NIM1K: variants seen among roughly 807,000 people sequenced by gnomAD.
NIM1K encodes the protein NIM1 serine/threonine protein kinase, also known as serine/threonine-protein kinase NIM1.
In NIM1K, 35 loss-of-function variants were observed where a neutral mutation model predicts 37.1. That is an observed-to-expected ratio of 0.94 (90% CI 0.72 to 1.25). The LOEUF (loss-of-function observed/expected upper bound fraction) is 1.25, where lower values mean the gene tolerates loss of function less well. Ranked by LOEUF, NIM1K falls within the 50% of genes most tolerant of loss-of-function variation. NIM1K has a pLI of 0.00. For synonymous variants in NIM1K, 234 were observed against 206.6 expected (o/e 1.13, Z -1.14); for missense variants, 564 against 548.0 (o/e 1.03, Z -0.29).
intron 2 of NIM1K, among the ~76,000 whole-genome samples, chr5:43,247,635 A>G (rs576048128): frequency 3.3e-5 from 5 of 152,370 alleles, no homozygotes; most frequent in African/African-American, 4.8e-5. Context: ...GGGACTGGGC[A>G]TGGGTAGTAT....
chr5:43,262,290 A>AGT (rs1753043742), intron 2 of NIM1K, among the ~76,000 whole-genome samples: 1 of 152,174 alleles, frequency 6.6e-6, no homozygotes, highest in Admixed American at 6.5e-5. Flanking sequence ...TTCATTGAGC[A>AGT]GTGCTTTGTA....
chr5:43,264,658 C>T (rs964262033), intron 2 of NIM1K, among the ~76,000 whole-genome samples: 1 of 152,136 alleles, frequency 6.6e-6, no homozygotes, highest in Non-Finnish European at 1.5e-5. Flanking sequence ...TTGATCCTGT[C>T]AGTATGATGT....
chr5:43,249,884 G>C (rs955290539), intron 2 of NIM1K, among the ~76,000 whole-genome samples: 1 of 125,468 alleles, frequency 8.0e-6, no homozygotes, highest in Non-Finnish European at 1.6e-5. Flanking sequence ...ATGGAGTCTC[G>C]CTCTGTTGCC....
At chr5:43,213,239 T>G (rs898030849) in intron 1 of NIM1K, among the ~76,000 whole-genome samples, 1 of 149,948 alleles carries the variant, frequency 6.7e-6, no homozygotes, top group African/African-American at 2.5e-5. Flanking sequence ...CTTTTCTTCC[T>G]TTCTTTCTTT....
chr5:43,209,895 A>G (rs2112215050), intron 1 of NIM1K, among the ~76,000 whole-genome samples: 1 of 152,304 alleles, frequency 6.6e-6, no homozygotes, highest in South Asian at 2.1e-4. Context: ...GATTACAGGC[A>G]TAAGTCACCA....
At chr5:43,207,699 A>G (rs1752138414) in intron 1 of NIM1K, 1 of 516,876 alleles carries the variant, frequency 1.9e-6, no homozygotes, top group Non-Finnish European at 3.7e-6. Context: ...TCTTCATAGA[A>G]CAGTTGCTCT....
At chr5:43,242,422 T>C (rs1752716521) in intron 1 of NIM1K, among the ~76,000 whole-genome samples, 1 of 150,688 alleles carries the variant, frequency 6.6e-6, no homozygotes, top group South Asian at 2.1e-4. Context: ...GCCTGGTGCC[T>C]GTGGGGAGCT....
At chr5:43,203,791 C>T (rs1307488260) in intron 1 of NIM1K, among the ~76,000 whole-genome samples, 1 of 151,878 alleles carries the variant, frequency 6.6e-6, no homozygotes, top group African/African-American at 2.4e-5. Flanking sequence ...TTTGGGAGGC[C>T]GAGGCAGGCA....
Position 43,280,314 on chromosome 5 carries a change from A to G in NIM1K, c.896A>G (p.His299Arg), listed in dbSNP as rs756030170. 3.1e-6 allele frequency: 5 copies of G among 1,614,042 alleles called. No homozygotes were observed. The highest frequency in any genetic ancestry group is 1.3e-5 in the African/African-American group (1 of 74,914). The change falls in exon 4 of 4, where the codon CAC (histidine) becomes CGC (arginine). Residue 299 changes from histidine (H) to arginine (R), a missense_variant. His to Arg is a conservative substitution (Grantham distance 29). Coordinates refer to ENST00000326035, the MANE Select transcript of NIM1K (RefSeq NM_153361.4). The part of the protein sequence containing the change: ...SVPPHVSEPC[H>R]RLIRGVLQQI... ...CCGCCGCACGTGTCAGAGCCCTGCC[A>G]CCGACTCATCCGAGGAGTCCTTCAG...
At chr5:43,235,389 G>A (rs184170230) in intron 1 of NIM1K, among the ~76,000 whole-genome samples, 282 of 152,228 alleles carry the variant, frequency 1.9e-3, no homozygotes, top group Non-Finnish European at 3.0e-3. Flanking sequence ...AGTCTCTTAA[G>A]CATTTTTGTT....
At chr5:43,254,687 G>A (rs967321353) in intron 2 of NIM1K, among the ~76,000 whole-genome samples, 5 of 152,214 alleles carry the variant, frequency 3.3e-5, no homozygotes, top group Non-Finnish European at 7.3e-5. Context: ...GCTAGAGCAC[G>A]AACTCAGTCT....
intron 1 of NIM1K, chr5:43,206,755 C>T: frequency 1.3e-6 from 1 of 757,218 alleles, no homozygotes; most frequent in Non-Finnish European, 2.5e-6. Context: ...GGCACCAAAG[C>T]TGATGGTGAG....
chr5:43,245,814 C>T lies in NIM1K; in HGVS notation c.39C>T (p.Asn13=), dbSNP rs2112262734. 2 of 1,611,596 alleles carry T rather than the reference C, an allele frequency of 1.2e-6. No individual in the cohort carries two copies. The highest frequency in any genetic ancestry group is 1.7e-4 in the Middle Eastern group (1 of 5,942). ...ATATGAATGGAGGTGGCCTGGTGAA[C>T]CCCCACTATGCCCGGTGGGATCGGC... The part of the protein sequence containing the change: ...AVYMNGGGLV[N]PHYARWDRRD... Residue 13 remains asparagine (N), a synonymous_variant, in exon 2 of 4, where the codon AAC becomes AAT. Transcript: ENST00000326035.
At chr5:43,239,518 G>A (rs577523556) in intron 1 of NIM1K, among the ~76,000 whole-genome samples, 45 of 148,394 alleles carry the variant, frequency 3.0e-4, no homozygotes, top group African/African-American at 6.8e-4. Context: ...GATTATAGGC[G>A]TGAGCCACCG....
At chr5:43,276,708 G>T (rs554847168) in intron 2 of NIM1K, among the ~76,000 whole-genome samples, 1 of 152,338 alleles carries the variant, frequency 6.6e-6, no homozygotes. Context: ...GGGTGCATGG[G>T]GCATTGGGGA....
At chr5:43,207,788 CTT>C in intron 1 of NIM1K, 3 of 425,372 alleles carry the variant, frequency 7.1e-6, no homozygotes, top group South Asian at 2.2e-5. Flanking sequence ...ATTGTACACT[CTT>C]TGGAAGAAAG....
chr5:43,259,868 T>C (rs1344965200), intron 2 of NIM1K, among the ~76,000 whole-genome samples: 1 of 152,154 alleles, frequency 6.6e-6, no homozygotes, highest in Non-Finnish European at 1.5e-5. Context: ...TCTAAGTCAA[T>C]GTCCAGTAGA....
At chr5:43,218,717 TTCTTTTC>T (rs1316097348) in intron 1 of NIM1K, among the ~76,000 whole-genome samples, 1 of 125,460 alleles carries the variant, frequency 8.0e-6, no homozygotes, top group Non-Finnish European at 1.7e-5. Context: ...CAAATTTTTC[TTCTTTTC>T]TTTTTTTTTT....
chr5:43,255,763 A>AAAGAAAGAAAGG (rs1752935685), intron 2 of NIM1K, among the ~76,000 whole-genome samples: 1 of 149,654 alleles, frequency 6.7e-6, no homozygotes, highest in African/African-American at 2.5e-5. Flanking sequence ...AAAAAGAAAG[A>AAAGAAAGAAAGG]AAGAAAGAAA....
Sources: allele counts gnomAD v4.1 joint callset (sites outside exome capture counted in the v4.1 genomes callset), GRCh38; gene constraint gnomAD v4.1.1; transcripts MANE v1.5; gene names NCBI Gene and HGNC (gene_info 2026-07-23, HGNC 2026-07-21).